KCNK16: variants seen among roughly 807,000 people sequenced by gnomAD.
KCNK16 encodes potassium channel subfamily K member 16.
KCNK16 carries 23 observed loss-of-function variants against 23.0 expected under a neutral mutation model. The observed-to-expected ratio is 1.00, with a 90% CI of 0.72 to 1.41. The LOEUF is 1.41. Among genes scored for constraint, KCNK16 ranks in the 40% most tolerant of loss-of-function variants. The pLI is 0.00. For missense variants in KCNK16, 327 were observed against 365.8 expected, an observed-to-expected ratio of 0.89 and a Z score of 0.87; for synonymous variants, 145 against 153.5, an observed-to-expected ratio of 0.94 and a Z score of 0.41.
chr6:39,321,585 C>G (rs1191325056), intron 1 of KCNK16, among the ~76,000 whole-genome samples: 2 of 152,214 alleles, frequency 1.3e-5, no homozygotes, highest in Admixed American at 1.3e-4. Context: ...TTGGTCTGTT[C>G]CTTTGCAGGG....
At position 39,316,814 on chromosome 6, in the gene KCNK16, A is replaced by G; in HGVS notation, c.629T>C (p.Leu210Pro). Residue 210 changes from leucine to proline, a missense_variant, in exon 4 of 5, where the codon CTC (leucine) becomes CCC (proline). Transcript: ENST00000437525. ...SEGFYFAFIT[L>P]STIGFGDYVV... ...ATAGTCCCCAAAGCCAATGGTGCTG[A>G]GAGTGATGAAAGCAAAGTAGAAGCC... The G allele has an allele frequency of 6.2e-7, 1 of 1,614,158 alleles. No homozygotes were observed. The highest frequency in any genetic ancestry group is 8.5e-7 in the Non-Finnish European group (1 of 1,180,024).
chr6:39,318,658 GA>G (rs963551813), intron 2 of KCNK16, among the ~76,000 whole-genome samples: 1 of 152,136 alleles, frequency 6.6e-6, no homozygotes, highest in African/African-American at 2.4e-5. Flanking sequence ...TGGTCTATGG[GA>G]AGTTTCAAAA....
chr6:39,316,171 G>T lies in KCNK16; in HGVS notation c.*48C>A. ...GCTGGAAATCCAGAGAGCAGATAGG[G>T]TGGGACTGGGGAGGATGAAAGGGGT... On this transcript the variant is annotated 3_prime_UTR_variant, in exon 5 of 5. Transcript: ENST00000437525. 1 of 1,466,838 alleles carries T rather than the reference G, an allele frequency of 6.8e-7. No individual in the cohort carries two copies. 90.9% of individuals were successfully genotyped at this position (1,466,838 alleles called of 1,614,324 possible).
Position 39,319,915 on chromosome 6 carries a change from C to T in KCNK16, c.214-782G>A, listed in dbSNP as rs1003247478. On this transcript the variant is annotated intron_variant, in intron 1 of 4. Coordinates refer to ENST00000437525, the MANE Select transcript of KCNK16 (RefSeq NM_001135106.2). This position sits in a 1 kb window ranked among gnomAD's most constrained non-coding sequence, Gnocchi z 4.2. ...TGCCGGCTCAAGCCTACAACACCTC[C>T]CTTCGCTGCCCCACTGCTGACAACC... Among the ~76,000 whole-genome samples, 1 of 152,302 alleles carries T rather than the reference C, an allele frequency of 6.6e-6. No homozygotes were observed. The highest frequency in any genetic ancestry group is 2.4e-5 in the African/African-American group (1 of 41,560).
Position 39,322,342 on chromosome 6 carries a change from C to T in KCNK16, c.199G>A (p.Glu67Lys), listed in dbSNP as rs1423855856. 1 of 1,613,524 alleles carries T rather than the reference C, an allele frequency of 6.2e-7. No homozygotes were observed. ...NYTCLDQWAM[E>K]QFVQVIMEAW... Reference sequence around the variant, plus strand: ...CTCCCCTTCACCTGCACAAACTGCTCCATGGCCCACTGGTCCAGGCAGGTG... The same window carrying T: ...CTCCCCTTCACCTGCACAAACTGCTTCATGGCCCACTGGTCCAGGCAGGTG... The change falls in exon 1 of 5, where the codon GAG becomes AAG. Residue 67 changes from glutamate to lysine, a missense_variant. Glu to Lys is a moderately conservative substitution (Grantham distance 56, BLOSUM62 1). Transcript: ENST00000437525.
downstream of KCNK16, chr6:39,315,263 G>A: frequency 1.3e-6 from 2 of 1,596,402 alleles, no homozygotes; most frequent in Non-Finnish European, 1.7e-6. Context: ...GTCTGGCAGG[G>A]GAAAGGCCAG....
At chr6:39,315,304 G>A (rs369282992), downstream of KCNK16, 63 of 1,557,504 alleles carry the variant, frequency 4.0e-5, no homozygotes, top group Admixed American at 4.1e-4. Context: ...AGAGAGGCCA[G>A]ACGTTCATGG....
chr6:39,322,424 C>T lies in KCNK16; in HGVS notation c.117G>A (p.Ala39=), dbSNP rs3734619. 0.38 allele frequency: 609,439 copies of T among 1,613,560 alleles called. 117,349 individuals carry two copies. Among genetic ancestry groups the T allele is most frequent in the African/African-American group, 0.48 (36,252 of 74,994 alleles). The change falls in exon 1 of 5, where the codon GCG becomes GCA. Residue 39 remains alanine, a synonymous_variant. Coordinates refer to ENST00000437525, the MANE Select transcript of KCNK16 (RefSeq NM_001135106.2). The part of the protein sequence containing the change: ...ATIFQLLERQ[A]EAQSRDQFQL... Reference sequence around the variant, plus strand: ...GAAACTGGTCCCTGGACTGAGCCTCCGCCTGCCTCTCTAGCAGCTGGAAGA... The same window carrying T: ...GAAACTGGTCCCTGGACTGAGCCTCTGCCTGCCTCTCTAGCAGCTGGAAGA...
chr6:39,316,981 T>G, intron 3 of KCNK16, 34 bp from the exon 4 acceptor site: 1 of 1,590,360 alleles, frequency 6.3e-7, no homozygotes, highest in Non-Finnish European at 8.5e-7. Context: ...TGAGTCCACT[T>G]GAAAGTCTCC....
downstream of KCNK16, chr6:39,315,431 C>G (rs1254665540): frequency 1.9e-6 from 3 of 1,549,154 alleles, no homozygotes; most frequent in Non-Finnish European, 2.6e-6. Flanking sequence ...AAGGGGGTGG[C>G]CTGTGAGGGT....
chr6:39,320,797 C>T (rs946038003), intron 1 of KCNK16, among the ~76,000 whole-genome samples: 1 of 152,056 alleles, frequency 6.6e-6, no homozygotes, highest in African/African-American at 2.4e-5. Flanking sequence ...AGCTACCAAC[C>T]CTTCCCACGC....
In KCNK16 at chr6:39,322,629, C is replaced by A; in HGVS notation, c.-89G>T. On this transcript the variant is annotated 5_prime_UTR_variant, in exon 1 of 5. Coordinates refer to ENST00000437525, the MANE Select transcript of KCNK16 (RefSeq NM_001135106.2). Reference sequence around the variant, plus strand: ...AGGAGTAAGCACCTAGGGGCCTGTGCCCAGGCTGCCGCCTGCCCTGCCCTC... The same window carrying A: ...AGGAGTAAGCACCTAGGGGCCTGTGACCAGGCTGCCGCCTGCCCTGCCCTC... The A allele has an allele frequency of 6.8e-7, 1 of 1,475,562 alleles. No homozygotes were observed. Among genetic ancestry groups the A allele is most frequent in the South Asian group, 1.3e-5 (1 of 74,366 alleles). The allele number at this position is 1,475,562 out of a possible 1,614,324, so 91.4% of individuals were successfully genotyped here.
downstream of KCNK16, chr6:39,314,882 G>T: frequency 1.0e-6 from 1 of 987,548 alleles, no homozygotes; most frequent in Non-Finnish European, 1.5e-6. Context: ...CCATGAGCTT[G>T]GGAGGTAAGA....
rs1433237496 is a variant in KCNK16 at position 39,322,400 on chromosome 6, A to T, written c.141T>A (p.Phe47Leu). The change falls in exon 1 of 5, where the codon TTT becomes TTA. Residue 47 changes from phenylalanine (F) to leucine (L), a missense_variant. Phe to Leu is a conservative substitution (Grantham distance 22). Coordinates refer to ENST00000437525, the MANE Select transcript of KCNK16 (RefSeq NM_001135106.2). ...CCAGGAAGCGCAGCTTCTCCAACTG[A>T]AACTGGTCCCTGGACTGAGCCTCCG... ...RQAEAQSRDQ[F>L]QLEKLRFLEN... 2 of 1,614,024 alleles carry T rather than the reference A, an allele frequency of 1.2e-6. No homozygotes were observed. Among genetic ancestry groups the T allele is most frequent in the Non-Finnish European group, 1.7e-6 (2 of 1,180,036 alleles).
Position 39,316,270 on chromosome 6 carries a change from G to T in KCNK16, c.834C>A (p.Ala278=). ...GCCTGGGGAGCCCACTGGGGTCAGA[G>T]GCTGCCCCATCCTTGACGCCGAGGC... The part of the protein sequence containing the change: ...SRGLGVKDGA[A]SDPSGLPRPQ... The change falls in exon 5 of 5, where the codon GCC becomes GCA. Residue 278 remains alanine, a synonymous_variant. Coordinates refer to ENST00000437525, the MANE Select transcript of KCNK16 (RefSeq NM_001135106.2). 1 of 1,585,938 alleles carries T rather than the reference G, an allele frequency of 6.3e-7. No individual in the cohort carries two copies. Among genetic ancestry groups the T allele is most frequent in the Admixed American group, 1.8e-5 (1 of 55,430 alleles).
chr6:39,316,486 A>G, intron 4 of KCNK16, 44 bp from the exon 5 acceptor site: 14 of 1,548,844 alleles, frequency 9.0e-6, no homozygotes, highest in Non-Finnish European at 1.2e-5. Context: ...GTCTCAGGGC[A>G]TAGCCACCTC....
At chr6:39,321,943 A>G (rs75224342) in intron 1 of KCNK16, among the ~76,000 whole-genome samples, 3,806 of 152,352 alleles carry the variant, frequency 0.025, 170 homozygotes, top group African/African-American at 0.087. Flanking sequence ...AAGGGGAAGT[A>G]TGAAAGTGTG....
intron 2 of KCNK16, among the ~76,000 whole-genome samples, chr6:39,318,237 A>T (rs1762398373): frequency 6.6e-6 from 1 of 152,112 alleles, no homozygotes; most frequent in South Asian, 2.1e-4. Flanking sequence ...ATTGCTATGT[A>T]ATTATCGACT....
At chr6:39,314,634 C>T (rs1762241633), downstream of KCNK16, 1 of 424,158 alleles carries the variant, frequency 2.4e-6, no homozygotes, top group South Asian at 6.5e-5. Flanking sequence ...GGAAGGGGCC[C>T]AGAGCCCCCT....
Sources: allele counts gnomAD v4.1 joint callset (sites outside exome capture counted in the v4.1 genomes callset), GRCh38; gene constraint gnomAD v4.1.1; non-coding constraint Gnocchi (gnomAD v3.1); transcripts MANE v1.5; gene names NCBI Gene and HGNC (gene_info 2026-07-23, HGNC 2026-07-21).